PTGES2: variants seen among roughly 807,000 people sequenced by gnomAD.
PTGES2 encodes prostaglandin E synthase 2.
A neutral mutation model predicts 44.5 loss-of-function variants in PTGES2; 35 were observed. That is an observed-to-expected ratio of 0.79 (90% CI 0.60 to 1.04). PTGES2 has a LOEUF of 1.04. Ranked by LOEUF, PTGES2 falls within the 50% of genes least tolerant of loss-of-function variation. The pLI is 0.00. For missense variants in PTGES2, 517 were observed against 521.4 expected (o/e 0.99, Z 0.08); for synonymous variants, 221 against 227.5 (o/e 0.97, Z 0.26).
At position 128,122,352 on chromosome 9, in the gene PTGES2, CCA is replaced by C. The variant is rs1306932876; in HGVS notation, c.1005+8_1005+9del. 1.2e-6 allele frequency: 2 copies of C among 1,609,606 alleles called. No individual in the cohort carries two copies. The highest frequency in any genetic ancestry group is 1.7e-5 in the Admixed American group (1 of 59,994). On this transcript the variant is annotated splice_region_variant and intron_variant, in intron 6 of 6. Coordinates refer to ENST00000338961, the MANE Select transcript of PTGES2 (RefSeq NM_025072.7). ...TCGGTCCAGGCACCACCTGCCACCA[CCA>C]CACTCACCAAATCAGCGAGATTCGG...
chr9:128,122,703 AG>A (rs1834462553), intron 5 of PTGES2: 1 of 631,262 alleles, frequency 1.6e-6, no homozygotes, highest in Non-Finnish European at 2.7e-6. Flanking sequence ...GGCGCCAGTC[AG>A]GGCCCAGGCT....
At chr9:128,127,003 A>G (rs552112290) in intron 1 of PTGES2, among the ~76,000 whole-genome samples, 3 of 151,392 alleles carry the variant, frequency 2.0e-5, no homozygotes, top group Non-Finnish European at 4.4e-5. Flanking sequence ...ACATGGTGAA[A>G]CCCTATCTCT....
chr9:128,122,677 A>T (rs1192366218), intron 5 of PTGES2, 198 bp from the exon 6 acceptor site: 1 of 630,506 alleles, frequency 1.6e-6, no homozygotes, highest in African/African-American at 1.8e-5. Context: ...CAGGCCAGGG[A>T]GAAAGCCACA....
upstream of PTGES2, chr9:128,128,067 C>T (rs968307268): frequency 8.0e-6 from 3 of 374,232 alleles, no homozygotes; most frequent in East Asian, 6.8e-5. Flanking sequence ...GCCCACCTCT[C>T]TTACGGGCGC....
intron 1 of PTGES2, 148 bp downstream of exon 1, chr9:128,127,291 A>C: frequency 1.7e-6 from 1 of 603,498 alleles, no homozygotes. Flanking sequence ...ATTTTACACA[A>C]AAGAATACAG....
In PTGES2 at chr9:128,123,222, C is replaced by G; in HGVS notation, c.687-88G>C. 1 of 1,260,702 alleles carries G rather than the reference C, an allele frequency of 7.9e-7. No homozygotes were observed. The highest frequency in any genetic ancestry group is 1.1e-6 in the Non-Finnish European group (1 of 904,338). 78.1% of individuals were successfully genotyped at this position (1,260,702 alleles called of 1,614,324 possible). On this transcript the variant is annotated intron_variant, in intron 4 of 6. Coordinates refer to ENST00000338961, the MANE Select transcript of PTGES2 (RefSeq NM_025072.7). This position sits in a 1 kb window ranked among gnomAD's most constrained non-coding sequence, Gnocchi z 4.4. Reference sequence around the variant, plus strand: ...CTCTAGAACATACCCACTGCACGGGCGGGAAGCTGAAGCCTGAGCAGGAAG... The same window carrying G: ...CTCTAGAACATACCCACTGCACGGGGGGGAAGCTGAAGCCTGAGCAGGAAG...
chr9:128,127,773 G>A, upstream of PTGES2: 1 of 1,237,828 alleles, frequency 8.1e-7, no homozygotes, highest in South Asian at 3.2e-5. Flanking sequence ...CGAGGCACGC[G>A]CGGCGTTTAA....
At chr9:128,125,544 A>G in intron 1 of PTGES2, 103 bp from the exon 2 acceptor site, 1 of 1,065,946 alleles carries the variant, frequency 9.4e-7, no homozygotes, top group South Asian at 1.4e-5. Context: ...TGACGCTAGA[A>G]CATCGGGAAG....
In PTGES2 at chr9:128,123,274, T is replaced by G; in HGVS notation, c.687-140A>C. Reference sequence around the variant, plus strand: ...TCTTTTTTTTTTTTTTGAGACAAAGTCTCGCTCTGTCACCCAGGCTGGAGT... The same window carrying G: ...TCTTTTTTTTTTTTTTGAGACAAAGGCTCGCTCTGTCACCCAGGCTGGAGT... On this transcript the variant is annotated intron_variant, in intron 4 of 6. Coordinates refer to ENST00000338961, the MANE Select transcript of PTGES2 (RefSeq NM_025072.7). This position sits in a 1 kb window ranked among gnomAD's most constrained non-coding sequence, Gnocchi z 4.4. The G allele has an allele frequency of 1.3e-6, 1 of 748,786 alleles. No homozygotes were observed. Among genetic ancestry groups the G allele is most frequent in the Admixed American group, 2.8e-5 (1 of 35,988 alleles). The allele number at this position is 748,786 out of a possible 1,614,324, so 46.4% of individuals were successfully genotyped here. A position where few individuals can be genotyped will look rare whatever the true frequency, so the allele number is the denominator to read the frequency against.
intron 3 of PTGES2, among the ~76,000 whole-genome samples, chr9:128,124,169 T>A (rs1834531798): frequency 6.6e-6 from 1 of 151,886 alleles, no homozygotes. Context: ...CGCAACCCTC[T>A]GCCTCCCGGG....
rs1834402416 is a variant in PTGES2 at position 128,121,296 on chromosome 9, T to C, written c.1006-23A>G. The C allele has an allele frequency of 1.9e-6, 3 of 1,596,604 alleles. No individual in the cohort carries two copies. In the East Asian group the frequency reaches 6.8e-5, roughly 36 times the overall value. The stretch of plus-strand genomic sequence containing the variant: ...CGCCTGGGGCACGAACAGAAACGTG[T>C]CACCATAGCTGGTTTGACAGGCATC... On this transcript the variant is annotated intron_variant, in intron 6 of 6. Coordinates refer to ENST00000338961, the MANE Select transcript of PTGES2 (RefSeq NM_025072.7).
At chr9:128,127,862 G>A (rs1834697916), upstream of PTGES2, 3 of 849,966 alleles carry the variant, frequency 3.5e-6, no homozygotes, top group South Asian at 5.0e-5. Context: ...CTCGGGACTG[G>A]GCGTGTGCCC....
Position 128,123,889 on chromosome 9 carries a change from C to G in PTGES2, c.537-38G>C, listed in dbSNP as rs1400373753. 6 of 1,597,328 alleles carry G rather than the reference C, an allele frequency of 3.8e-6. No individual in the cohort carries two copies. In the South Asian group the frequency reaches 5.5e-5, roughly 15 times the overall value. ...CCACAATATCACCCCAACTCCTTCC[C>G]CCTCCGTCCCCTGTGGCCGACCAAC... is the stretch of plus-strand genomic sequence containing the variant. On this transcript the variant is annotated intron_variant, in intron 3 of 6. Transcript: ENST00000338961. The surrounding 1 kb of genome is among the most constrained non-coding windows in gnomAD (Gnocchi z 4.4).
intron 1 of PTGES2, among the ~76,000 whole-genome samples, chr9:128,127,191 C>CAAAAAAAAAAAAAAAAAAAAAAAA (rs59234287): frequency 4.1e-5 from 1 of 24,500 alleles, no homozygotes; most frequent in Admixed American, 5.3e-4. Context: ...ATAAACAAAC[C>CAAAAAAAAAAAAAAAAAAAAAAAA]AAAAAAAAAA....
intron 2 of PTGES2, chr9:128,124,964 G>T: frequency 1.1e-6 from 1 of 904,824 alleles, no homozygotes; most frequent in Non-Finnish European, 1.5e-6. Flanking sequence ...GCTAGTGAGT[G>T]GGTGAATCAC....
intron 5 of PTGES2, 115 bp downstream of exon 5, chr9:128,122,819 A>C (rs1834466622): frequency 2.7e-6 from 3 of 1,117,006 alleles, no homozygotes; most frequent in Non-Finnish European, 3.9e-6. Flanking sequence ...TGCGTTTCCC[A>C]CCTGCCCTAG....
In PTGES2 at chr9:128,125,411, G is replaced by A; in HGVS notation, c.310C>T (p.Leu104=). The A allele has an allele frequency of 1.9e-6, 3 of 1,614,126 alleles. No individual in the cohort carries two copies. Among genetic ancestry groups the A allele is most frequent in the Non-Finnish European group, 2.5e-6 (3 of 1,180,008 alleles). The change falls in exon 2 of 7, where the codon CTG becomes TTG. Residue 104 remains leucine, a synonymous_variant. Transcript: ENST00000338961. ...AAGGGACACGTCTTGTACTGGTACAGGGTCAGCTGCAGGCGGCTGGACAGG... is the reference window on the plus strand; with the variant it reads ...AAGGGACACGTCTTGTACTGGTACAAGGTCAGCTGCAGGCGGCTGGACAGG... ...LSLSSRLQLT[L]YQYKTCPFCS...
intron 3 of PTGES2, 42 bp downstream of exon 3, chr9:128,124,450 C>T: frequency 6.3e-7 from 1 of 1,597,002 alleles, no homozygotes; most frequent in Non-Finnish European, 8.6e-7. Flanking sequence ...TGGAGGAAGC[C>T]ACCAAAAGCA....
chr9:128,127,043 G>C (rs1018741415), intron 1 of PTGES2, among the ~76,000 whole-genome samples: 1 of 151,724 alleles, frequency 6.6e-6, no homozygotes, highest in African/African-American at 2.4e-5. Flanking sequence ...GCAGGGCGCA[G>C]TGGGGTGAGC....
Sources: allele counts gnomAD v4.1 joint callset (sites outside exome capture counted in the v4.1 genomes callset), GRCh38; gene constraint gnomAD v4.1.1; non-coding constraint Gnocchi (gnomAD v3.1); transcripts MANE v1.5; gene names NCBI Gene and HGNC (gene_info 2026-07-23, HGNC 2026-07-21).